CA10: variants seen among roughly 807,000 people sequenced by gnomAD.
CA10 encodes carbonic anhydrase 10 (inactive).
In CA10, 14 loss-of-function variants were observed where a neutral mutation model predicts 44.2. The observed-to-expected ratio is 0.32, with a 90% confidence interval of 0.21 to 0.50. The LOEUF (loss-of-function observed/expected upper bound fraction) is 0.50, where lower values mean the gene tolerates loss of function less well. Ranked by LOEUF, CA10 falls within the 20% of genes least tolerant of loss-of-function variation. The pLI, the probability that CA10 is intolerant of heterozygous loss-of-function variation, is 0.99. For missense variants in CA10, 350 were observed against 409.7 expected, an observed-to-expected ratio of 0.85 and a Z score of 1.26; for synonymous variants, 159 against 141.6, an observed-to-expected ratio of 1.12 and a Z score of -0.87.
intron 2 of CA10, among the ~76,000 whole-genome samples, chr17:51,994,737 A>C (rs901285956): frequency 7.9e-5 from 12 of 152,070 alleles, no homozygotes; most frequent in Non-Finnish European, 1.2e-4. Context: ...AAAATTTATT[A>C]AAAATTATAG....
At chr17:51,714,316 A>T (rs1346629156) in intron 4 of CA10, among the ~76,000 whole-genome samples, 3 of 152,220 alleles carry the variant, frequency 2.0e-5, no homozygotes, top group Non-Finnish European at 4.4e-5. Context: ...CGTCATTTGC[A>T]ATTTATGTAA....
At chr17:52,049,912 C>A (rs904421006) in intron 2 of CA10, among the ~76,000 whole-genome samples, 1 of 152,058 alleles carries the variant, frequency 6.6e-6, no homozygotes, top group African/African-American at 2.4e-5. Context: ...TATTTGGATA[C>A]ACAAATACTC....
intron 2 of CA10, among the ~76,000 whole-genome samples, chr17:52,058,400 T>C (rs1598191870): frequency 6.6e-6 from 1 of 152,216 alleles, no homozygotes; most frequent in East Asian, 1.9e-4. Flanking sequence ...ATTGTCTGTA[T>C]TTTACAAATG....
chr17:52,119,363 A>C (rs375790360), intron 1 of CA10, among the ~76,000 whole-genome samples: 2 of 152,236 alleles, frequency 1.3e-5, no homozygotes, highest in East Asian at 1.9e-4. Context: ...AAGGGTATGC[A>C]TCCCGTTAAG....
At chr17:51,969,218 A>G in intron 2 of CA10, among the ~76,000 whole-genome samples, 1 of 152,098 alleles carries the variant, frequency 6.6e-6, no homozygotes, top group Non-Finnish European at 1.5e-5. Context: ...TAACAACAGT[A>G]ATATGGTTAT....
chr17:52,157,852 G>T lies in CA10; in HGVS notation c.-66C>A. ...CGGGGGGAAGGGGGGAGCCCGACACGGCACACACACATACACACTCGCACA... is the reference window on the plus strand; with the variant it reads ...CGGGGGGAAGGGGGGAGCCCGACACTGCACACACACATACACACTCGCACA... On this transcript the variant is annotated 5_prime_UTR_variant, in exon 1 of 9. Coordinates refer to ENST00000451037, the MANE Select transcript of CA10 (RefSeq NM_020178.5). 2 of 1,256,500 alleles carry T rather than the reference G, an allele frequency of 1.6e-6. No homozygotes were observed. Among genetic ancestry groups the T allele is most frequent in the Admixed American group, 1.7e-5 (1 of 59,526 alleles). The allele number at this position is 1,256,500 out of a possible 1,614,324, so 77.8% of individuals were successfully genotyped here.
chr17:52,064,920 T>C (rs1346658717), intron 2 of CA10, among the ~76,000 whole-genome samples: 1 of 152,214 alleles, frequency 6.6e-6, no homozygotes, highest in African/African-American at 2.4e-5. Flanking sequence ...AATTCCTGCT[T>C]CCCAGATCTC....
intron 2 of CA10, among the ~76,000 whole-genome samples, chr17:52,067,713 T>A (rs1987573841): frequency 1.3e-5 from 2 of 152,162 alleles, no homozygotes; most frequent in Non-Finnish European, 2.9e-5. Flanking sequence ...GCTACCCACC[T>A]CTTGCATCAG....
At chr17:51,871,394 A>ATTTTTTTTTT (rs11438821) in intron 3 of CA10, among the ~76,000 whole-genome samples, 1 of 81,280 alleles carries the variant, frequency 1.2e-5, no homozygotes, top group Non-Finnish European at 2.2e-5. Context: ...ACCAGGCCTA[A>ATTTTTTTTTT]TTTTTTTTTT....
At chr17:51,894,583 C>T (rs573676842) in intron 3 of CA10, among the ~76,000 whole-genome samples, 21 of 152,174 alleles carry the variant, frequency 1.4e-4, no homozygotes, top group Admixed American at 1.2e-3. Flanking sequence ...TTTCAGGAAC[C>T]AATTCTATTT....
At chr17:51,736,307 A>G (rs79340135) in intron 4 of CA10, among the ~76,000 whole-genome samples, 1,647 of 152,342 alleles carry the variant, frequency 0.011, 20 homozygotes, top group African/African-American at 0.038. Flanking sequence ...ATGGGAACAC[A>G]TTAGCCCTAG....
chr17:52,043,650 G>A (rs1001924217), intron 2 of CA10, among the ~76,000 whole-genome samples: 19 of 152,198 alleles, frequency 1.2e-4, no homozygotes, highest in Middle Eastern at 3.4e-3. Context: ...TAGAGAAAGA[G>A]CTTTCAGCTT....
chr17:51,637,639 CTT>C (rs1233692618), intron 6 of CA10, among the ~76,000 whole-genome samples: 1 of 152,230 alleles, frequency 6.6e-6, no homozygotes, highest in Admixed American at 6.5e-5. Flanking sequence ...TAAAGGAAGA[CTT>C]TCACATATGG....
intron 3 of CA10, among the ~76,000 whole-genome samples, chr17:51,880,478 C>A (rs1980314067): frequency 6.6e-6 from 1 of 151,932 alleles, no homozygotes; most frequent in Non-Finnish European, 1.5e-5. Context: ...ATTTTTGTAT[C>A]TTTTGTAGAG....
chr17:51,649,608 G>A (rs948319562), intron 5 of CA10, among the ~76,000 whole-genome samples: 1 of 152,164 alleles, frequency 6.6e-6, no homozygotes, highest in South Asian at 2.1e-4. Context: ...GTGTGAAAAG[G>A]GATGAAAGGC....
At chr17:52,049,582 G>A (rs1179391745) in intron 2 of CA10, among the ~76,000 whole-genome samples, 3 of 152,014 alleles carry the variant, frequency 2.0e-5, no homozygotes, top group South Asian at 4.1e-4. Context: ...CTCCTAAAGC[G>A]TTGTCTTTTC....
intron 5 of CA10, among the ~76,000 whole-genome samples, chr17:51,653,207 A>G (rs1277071482): frequency 6.6e-6 from 1 of 152,162 alleles, no homozygotes; most frequent in African/African-American, 2.4e-5. Context: ...GGAGCTATTT[A>G]GTGCAGTGCC....
chr17:51,988,336 T>C (rs927421717), intron 2 of CA10, among the ~76,000 whole-genome samples: 19 of 151,804 alleles, frequency 1.3e-4, no homozygotes, highest in African/African-American at 4.6e-4. Context: ...GGTAAGAAAA[T>C]GAAATGAAGC....
intron 3 of CA10, among the ~76,000 whole-genome samples, chr17:51,913,212 G>T (rs1181526131): frequency 6.6e-6 from 1 of 152,270 alleles, no homozygotes; most frequent in Admixed American, 6.5e-5. Context: ...TTTACATAAA[G>T]GTTTCAGGAC....
Sources: gnomAD v4.1 joint callset for allele counts (sites outside exome capture counted in the v4.1 genomes callset) on GRCh38, gnomAD v4.1.1 for gene constraint, MANE v1.5 for transcripts, NCBI Gene and HGNC (gene_info 2026-07-23, HGNC 2026-07-21) for gene names.